The following ZFYVE16 variants were observed in gnomAD, a reference collection of about 807,000 sequenced individuals.
The protein encoded by ZFYVE16 is zinc finger FYVE domain-containing protein 16.
In ZFYVE16, 89 loss-of-function variants were observed where a neutral mutation model predicts 138.1. That is an observed-to-expected ratio of 0.64 (90% CI 0.54 to 0.77). The LOEUF (loss-of-function observed/expected upper bound fraction) is 0.77. ZFYVE16 is among the 30% of genes least tolerant of loss of function. The pLI, the probability that ZFYVE16 is intolerant of heterozygous loss-of-function variation, is 0.00. For synonymous variants in ZFYVE16, 596 were observed against 618.3 expected (o/e 0.96, Z 0.53); for missense variants, 1,793 against 1,786.7 (o/e 1.00, Z -0.06).
At chr5:80,424,324 T>C (rs1195867548) in intron 1 of ZFYVE16, among the ~76,000 whole-genome samples, 1 of 152,188 alleles carries the variant, frequency 6.6e-6, no homozygotes, top group African/African-American at 2.4e-5. Context: ...TTCCATGACC[T>C]TTTTTTGTTC....
chr5:80,432,962 A>C (rs1038929165), intron 2 of ZFYVE16, among the ~76,000 whole-genome samples: 3 of 152,170 alleles, frequency 2.0e-5, no homozygotes, highest in Non-Finnish European at 4.4e-5. Flanking sequence ...AGGATGTGGA[A>C]AAACAGGAAT....
chr5:80,417,498 C>T (rs1746430331), intron 1 of ZFYVE16, among the ~76,000 whole-genome samples: 1 of 152,190 alleles, frequency 6.6e-6, no homozygotes, highest in Admixed American at 6.5e-5. Flanking sequence ...ATCCAACTCT[C>T]CCCCACTTTA....
At chr5:80,425,114 C>T (rs1427227806) in intron 1 of ZFYVE16, among the ~76,000 whole-genome samples, 1 of 152,162 alleles carries the variant, frequency 6.6e-6, no homozygotes, top group Non-Finnish European at 1.5e-5. Context: ...GAAAAACTCC[C>T]AGCATTATCT....
At chr5:80,464,177 G>A (rs1210574451) in intron 15 of ZFYVE16, among the ~76,000 whole-genome samples, 1 of 152,062 alleles carries the variant, frequency 6.6e-6, no homozygotes, top group African/African-American at 2.4e-5. Context: ...TCAATTTACT[G>A]TATTAGTCTG....
chr5:80,429,181 A>G (rs1167758431), intron 2 of ZFYVE16, among the ~76,000 whole-genome samples: 1 of 152,226 alleles, frequency 6.6e-6, no homozygotes, highest in Non-Finnish European at 1.5e-5. Context: ...AAATGAAGGA[A>G]AAAATGTTAA....
At chr5:80,415,789 T>C (rs1181733875) in intron 1 of ZFYVE16, among the ~76,000 whole-genome samples, 1 of 152,032 alleles carries the variant, frequency 6.6e-6, no homozygotes, top group Admixed American at 6.6e-5. Context: ...TGCCTCAGCC[T>C]CTTGAGTAGC....
At chr5:80,413,613 A>G (rs1349133691) in intron 1 of ZFYVE16, among the ~76,000 whole-genome samples, 2 of 152,226 alleles carry the variant, frequency 1.3e-5, no homozygotes, top group South Asian at 4.1e-4. Context: ...AAATGATTTG[A>G]GCAACTATTT....
intron 1 of ZFYVE16, among the ~76,000 whole-genome samples, chr5:80,411,007 G>A (rs1325886023): frequency 6.7e-6 from 1 of 150,220 alleles, no homozygotes; most frequent in African/African-American, 2.5e-5. Flanking sequence ...TCGCTGTGTC[G>A]CCAGGCTGGA....
At chr5:80,432,033 C>G (rs531369613) in intron 2 of ZFYVE16, among the ~76,000 whole-genome samples, 1 of 152,256 alleles carries the variant, frequency 6.6e-6, no homozygotes, top group African/African-American at 2.4e-5. Flanking sequence ...AGATTCAGTG[C>G]CATCCACATC....
At chr5:80,453,057 G>A (rs1752153605) in intron 11 of ZFYVE16, among the ~76,000 whole-genome samples, 1 of 152,006 alleles carries the variant, frequency 6.6e-6, no homozygotes, top group South Asian at 2.1e-4. Context: ...AATTTGGTAG[G>A]GATTTTCTTG....
chr5:80,421,583 T>G (rs1747186528), intron 1 of ZFYVE16, among the ~76,000 whole-genome samples: 1 of 152,248 alleles, frequency 6.6e-6, no homozygotes, highest in African/African-American at 2.4e-5. Context: ...TTTATCAGGT[T>G]TGTCAAAGAT....
intron 11 of ZFYVE16, 146 bp downstream of exon 11, chr5:80,451,855 TCTA>T (rs1752017692): frequency 2.7e-6 from 2 of 753,344 alleles, no homozygotes; most frequent in Admixed American, 6.1e-5. Flanking sequence ...ACAACCCTCT[TCTA>T]CTACCAGGTT....
In ZFYVE16 at chr5:80,438,511, T is replaced by G. The variant is rs1750264111; in HGVS notation, c.1826T>G (p.Leu609Arg). 3 of 1,613,686 alleles carry G rather than the reference T, an allele frequency of 1.9e-6. No individual in the cohort carries two copies. The East Asian group carries it at 6.7e-5, about 36-fold the overall frequency. Residue 609 changes from leucine to arginine, a missense_variant, in exon 4 of 19, where the codon CTT becomes CGT. Coordinates refer to ENST00000505560, the MANE Select transcript of ZFYVE16 (RefSeq NM_001284236.3). Reference protein sequence around the residue: ...VDKQNTIENGLSLGEKSTIPV... With the variant: ...VDKQNTIENGRSLGEKSTIPV... Reference sequence around the variant, plus strand: ...AAACAAAATACAATAGAAAATGGCCTTTCTTTAGGAGAAAAAAGCACTATT... The same window carrying G: ...AAACAAAATACAATAGAAAATGGCCGTTCTTTAGGAGAAAAAAGCACTATT...
At position 80,420,499 on chromosome 5, in the gene ZFYVE16, A is replaced by G. The variant is rs868495186; in HGVS notation, c.-93-6993A>G. ...TGTGATGTTCCCCTTCCTGTGTCCA[A>G]GTGTTCTCATTGTTCAATTCCCACC... On this transcript the variant is annotated intron_variant, in intron 1 of 18. Transcript: ENST00000505560. Among the ~76,000 whole-genome samples, 179 of 151,908 alleles carry G rather than the reference A, an allele frequency of 1.2e-3. 1 individual carries two copies. Among genetic ancestry groups the G allele is most frequent in the Middle Eastern group, 6.8e-3 (2 of 292 alleles).
chr5:80,445,312 G>A lies in ZFYVE16; in HGVS notation c.2631G>A (p.Leu877=). ...GAGTATGGTTTGCAGATGGTATATTGCCCAATGGTGAAGTTGCAGATACAA... is the reference window on the plus strand; with the variant it reads ...GAGTATGGTTTGCAGATGGTATATTACCCAATGGTGAAGTTGCAGATACAA... ...QKRVWFADGI[L]PNGEVADTTK... Residue 877 remains leucine (L), a synonymous_variant, in exon 7 of 19, where the codon TTG becomes TTA. Coordinates refer to ENST00000505560, the MANE Select transcript of ZFYVE16 (RefSeq NM_001284236.3). 1.9e-6 allele frequency: 3 copies of A among 1,613,940 alleles called. No individual in the cohort carries two copies. The highest frequency in any genetic ancestry group is 2.5e-6 in the Non-Finnish European group (3 of 1,179,948).
At chr5:80,435,824 C>T (rs555480974) in intron 3 of ZFYVE16, 89 of 331,306 alleles carry the variant, frequency 2.7e-4, no homozygotes, top group South Asian at 1.2e-3. Flanking sequence ...ATCCTCCGAC[C>T]GTGGCTTCCC....
chr5:80,434,283 G>A, intron 3 of ZFYVE16, 66 bp downstream of exon 3: 2 of 1,536,134 alleles, frequency 1.3e-6, no homozygotes, highest in Non-Finnish European at 1.8e-6. Flanking sequence ...GTTATCTCAG[G>A]TATACAGTAA....
In ZFYVE16 at chr5:80,437,281, G is replaced by T; in HGVS notation, c.596G>T (p.Arg199Ile). 1.2e-6 allele frequency: 2 copies of T among 1,609,928 alleles called. No homozygotes were observed. The highest frequency in any genetic ancestry group is 2.2e-5 in the South Asian group (2 of 90,618). Residue 199 changes from arginine (R) to isoleucine (I), a missense_variant, in exon 4 of 19, where the codon AGA becomes ATA. Physicochemically the swap from Arg to Ile is moderately conservative, Grantham distance 97. Transcript: ENST00000505560. Reference protein sequence around the residue: ...QNDISSELQNREIGGIKELGI... With the variant: ...QNDISSELQNIEIGGIKELGI... ...GATATCAGTTCTGAATTACAAAATAGAGAAATCGGAGGAATCAAAGAATTG... is the reference window on the plus strand; with the variant it reads ...GATATCAGTTCTGAATTACAAAATATAGAAATCGGAGGAATCAAAGAATTG...
At chr5:80,430,267 A>G (rs1206856931) in intron 2 of ZFYVE16, among the ~76,000 whole-genome samples, 1 of 152,142 alleles carries the variant, frequency 6.6e-6, no homozygotes, top group Non-Finnish European at 1.5e-5. Context: ...ATCAAACTAG[A>G]ACTCAGGATT....
Sources: allele counts gnomAD v4.1 joint callset (sites outside exome capture counted in the v4.1 genomes callset), GRCh38; gene constraint gnomAD v4.1.1; transcripts MANE v1.5; gene names NCBI Gene and HGNC (gene_info 2026-07-23, HGNC 2026-07-21).